CEP128: variants seen among roughly 807,000 people sequenced by gnomAD.
The protein encoded by CEP128 is centrosomal protein 128kDa.
A neutral mutation model predicts 156.7 loss-of-function variants in CEP128; 132 were observed. The observed-to-expected ratio is 0.84, with a 90% CI of 0.73 to 0.97. The LOEUF (loss-of-function observed/expected upper bound fraction) is 0.97. Ranked by LOEUF, CEP128 falls within the 50% of genes least tolerant of loss-of-function variation. The probability of loss-of-function intolerance (pLI) is 0.00; values close to 1 mark genes in which losing one functional copy is unlikely to be tolerated. For missense variants in CEP128, 1,252 were observed against 1,281.9 expected (o/e 0.98, Z 0.36); for synonymous variants, 469 against 448.9 (o/e 1.04, Z -0.57).
intron 19 of CEP128, among the ~76,000 whole-genome samples, chr14:80,729,336 C>T (rs1898173353): frequency 6.6e-6 from 1 of 151,812 alleles, no homozygotes; most frequent in East Asian, 1.9e-4. Context: ...CTGTGAATGC[C>T]ATTATTTCAT....
intron 8 of CEP128, among the ~76,000 whole-genome samples, chr14:80,873,776 G>C (rs1416765482): frequency 6.6e-6 from 1 of 152,068 alleles, no homozygotes; most frequent in African/African-American, 2.4e-5. Context: ...TGAATTATGG[G>C]GGCGGGTCTT....
chr14:80,919,943 G>C (rs1884765213), intron 2 of CEP128, among the ~76,000 whole-genome samples: 1 of 152,046 alleles, frequency 6.6e-6, no homozygotes, highest in Admixed American at 6.5e-5. Flanking sequence ...CAAGATTTAA[G>C]GTGAGATATA....
intron 9 of CEP128, among the ~76,000 whole-genome samples, chr14:80,851,628 AAAAG>A (rs1886892870): frequency 6.6e-6 from 1 of 152,082 alleles, no homozygotes; most frequent in Non-Finnish European, 1.5e-5. Context: ...AGAAATGGGA[AAAAG>A]AAACAAAAAG....
chr14:80,526,844 T>A, intron 23 of CEP128, 25 bp downstream of exon 23: 1 of 1,355,000 alleles, frequency 7.4e-7, no homozygotes. Flanking sequence ...ACTTAAAGAC[T>A]AAAAAAGTAT....
chr14:80,693,049 A>T (rs968768199), intron 19 of CEP128, among the ~76,000 whole-genome samples: 1 of 152,190 alleles, frequency 6.6e-6, no homozygotes, highest in African/African-American at 2.4e-5. Flanking sequence ...AAAAGCTCTC[A>T]AGTGACGCAA....
At chr14:80,956,076 G>A (rs958528068) in intron 2 of CEP128, 3 of 615,676 alleles carry the variant, frequency 4.9e-6, no homozygotes, top group African/African-American at 1.8e-5. Flanking sequence ...ACAGGAAAAT[G>A]TTACAAAACT....
intron 14 of CEP128, among the ~76,000 whole-genome samples, chr14:80,791,640 T>C (rs1328422184): frequency 1.3e-5 from 2 of 152,164 alleles, no homozygotes; most frequent in African/African-American, 2.4e-5. Flanking sequence ...TGGGATCAGA[T>C]CAGTTCAGAC....
chr14:80,802,536 G>T (rs2139896570), intron 13 of CEP128, among the ~76,000 whole-genome samples: 1 of 143,324 alleles, frequency 7.0e-6, no homozygotes, highest in African/African-American at 2.6e-5. Context: ...AGGGGGGCCT[G>T]TTGGGGAGTG....
chr14:80,511,363 A>G (rs1174892435), intron 23 of CEP128, among the ~76,000 whole-genome samples: 2 of 151,900 alleles, frequency 1.3e-5, no homozygotes, highest in African/African-American at 4.8e-5. Flanking sequence ...GAATGTATCC[A>G]TTTTATCTAA....
intron 13 of CEP128, among the ~76,000 whole-genome samples, chr14:80,798,194 T>G (rs1217273737): frequency 6.6e-6 from 1 of 152,220 alleles, no homozygotes; most frequent in Non-Finnish European, 1.5e-5. Flanking sequence ...TTCTCCTTCT[T>G]TTCTCTTTCT....
At chr14:80,661,742 C>A (rs1427662924) in intron 19 of CEP128, among the ~76,000 whole-genome samples, 2 of 152,010 alleles carry the variant, frequency 1.3e-5, no homozygotes, top group African/African-American at 4.8e-5. Flanking sequence ...ATGTATTAAG[C>A]AATATAAGTA....
chr14:80,913,578 C>A (rs1327704095), intron 4 of CEP128, among the ~76,000 whole-genome samples: 1 of 152,102 alleles, frequency 6.6e-6, no homozygotes. Flanking sequence ...GAATGAAAAA[C>A]CAAATACCAC....
intron 19 of CEP128, among the ~76,000 whole-genome samples, chr14:80,590,650 G>GA (rs966865132): frequency 4.0e-5 from 6 of 149,488 alleles, no homozygotes; most frequent in African/African-American, 7.4e-5. Flanking sequence ...TAGAAGAGGA[G>GA]AAAAAAAAGA....
intron 9 of CEP128, among the ~76,000 whole-genome samples, chr14:80,852,899 T>C (rs1192101072): frequency 3.3e-5 from 5 of 151,492 alleles, no homozygotes; most frequent in African/African-American, 4.8e-5. Flanking sequence ...ATAAAAATCC[T>C]AAGAAAAAAA....
At chr14:80,889,333 A>G (rs1292025241) in intron 8 of CEP128, among the ~76,000 whole-genome samples, 1 of 152,196 alleles carries the variant, frequency 6.6e-6, no homozygotes. Flanking sequence ...AATCCTAAGC[A>G]GAAAGAACAA....
At chr14:80,876,333 C>T (rs1338604185) in intron 8 of CEP128, among the ~76,000 whole-genome samples, 1 of 152,124 alleles carries the variant, frequency 6.6e-6, no homozygotes, top group Non-Finnish European at 1.5e-5. Flanking sequence ...CGCAGTGGCT[C>T]ATGCCTGTAA....
intron 8 of CEP128, among the ~76,000 whole-genome samples, chr14:80,886,467 C>T (rs1888806422): frequency 6.6e-6 from 1 of 152,120 alleles, no homozygotes; most frequent in East Asian, 1.9e-4. Flanking sequence ...AGAGTGGGGG[C>T]CAATATTCAA....
At chr14:80,760,650 T>C (rs1298866587) in intron 17 of CEP128, among the ~76,000 whole-genome samples, 2 of 152,120 alleles carry the variant, frequency 1.3e-5, no homozygotes, top group Admixed American at 6.5e-5. Flanking sequence ...GTATTATGGC[T>C]ACACATATCA....
chr14:80,863,978 G>T (rs961658122), intron 8 of CEP128, among the ~76,000 whole-genome samples: 22 of 152,204 alleles, frequency 1.4e-4, no homozygotes, highest in African/African-American at 5.3e-4. Context: ...AACTGCAAAG[G>T]TCTACTTATA....
Sources: gnomAD v4.1 joint callset for allele counts (sites outside exome capture counted in the v4.1 genomes callset) on GRCh38, gnomAD v4.1.1 for gene constraint, MANE v1.5 for transcripts, NCBI Gene and HGNC (gene_info 2026-07-23, HGNC 2026-07-21) for gene names.